Variants in MCPH1 observed in about 807,000 individuals in gnomAD.
The protein encoded by MCPH1 is microcephalin 1.
In MCPH1, 104 loss-of-function variants were observed where a neutral mutation model predicts 84.5. That is an observed-to-expected ratio of 1.23 (90% CI 1.05 to 1.45). The LOEUF is 1.45. Among genes scored for constraint, MCPH1 ranks in the 40% most tolerant of loss-of-function variants. The probability of loss-of-function intolerance (pLI) is 0.00; values close to 1 mark genes in which losing one functional copy is unlikely to be tolerated. For synonymous variants in MCPH1, 514 were observed against 366.8 expected (o/e 1.40, Z -4.58); for missense variants, 1,498 against 1,005.7 (o/e 1.49, Z -6.62).
intron 12 of MCPH1, among the ~76,000 whole-genome samples, chr8:6,543,514 C>G (rs1476829060): frequency 3.3e-5 from 5 of 152,198 alleles, no homozygotes; most frequent in African/African-American, 1.2e-4. Context: ...GAGCATCCAG[C>G]TCCCATCTGC....
intron 12 of MCPH1, among the ~76,000 whole-genome samples, chr8:6,615,167 C>T (rs1288101790): frequency 6.6e-6 from 1 of 152,236 alleles, no homozygotes; most frequent in Non-Finnish European, 1.5e-5. Context: ...CGTGAGTCTT[C>T]AGACACCCAG....
chr8:6,572,657 G>A (rs540586460), intron 12 of MCPH1, among the ~76,000 whole-genome samples: 1 of 152,224 alleles, frequency 6.6e-6, no homozygotes, highest in Non-Finnish European at 1.5e-5. Context: ...AGCTGTCTCT[G>A]TATCCTCAGG....
rs1302606769 is a variant in MCPH1, at chr8:6,645,887, G to C, written c.*2838G>C. ...AAGAAGTTAAAGACTTCTTTAAATA[G>C]AGACATATACAAAGTTCATAGATTA... On this transcript the variant is annotated 3_prime_UTR_variant, in exon 14 of 14. Coordinates refer to ENST00000344683, the MANE Select transcript of MCPH1 (RefSeq NM_024596.5). 6.6e-6 allele frequency: 1 copy of C among 152,124 alleles called. No individual in the cohort carries two copies. Among genetic ancestry groups the C allele is most frequent in the African/African-American group, 2.4e-5 (1 of 41,430 alleles). 9.4% of individuals were successfully genotyped at this position (152,124 alleles called of 1,614,324 possible).
At chr8:6,571,525 A>C (rs892133717) in intron 12 of MCPH1, among the ~76,000 whole-genome samples, 1 of 152,320 alleles carries the variant, frequency 6.6e-6, no homozygotes, top group Non-Finnish European at 1.5e-5. Flanking sequence ...GTGAATTTTC[A>C]TTTGAAAGTG....
In MCPH1 at chr8:6,459,947, C is replaced by T. The variant is rs141862746; in HGVS notation, c.1935+4695C>T. Among the ~76,000 whole-genome samples the T allele has an allele frequency of 5.7e-3, 863 of 152,232 alleles. 11 individuals are homozygous for T. Among genetic ancestry groups the T allele is most frequent in the Non-Finnish European group, 5.8e-3 (397 of 68,030 alleles). On this transcript the variant is annotated intron_variant, in intron 9 of 13. Coordinates refer to ENST00000344683, the MANE Select transcript of MCPH1 (RefSeq NM_024596.5). ...TGGCCCGGGGATGGATGCAGAACCG[C>T]GAGAAGAGAGAGGCTGACTTCAGCC...
chr8:6,480,774 C>A lies in MCPH1; in HGVS notation c.2034C>A (p.Asp678Glu), dbSNP rs1295000815. 1.9e-6 allele frequency: 3 copies of A among 1,614,098 alleles called. No homozygotes were observed. The highest frequency in any genetic ancestry group is 2.2e-5 in the East Asian group (1 of 44,890). ...DKLKGFSIAP[D>E]VCETTTHVLS... The stretch of plus-strand genomic sequence containing the variant: ...TGAAAGGCTTTTCAATTGCACCAGA[C>A]GTCTGTGAGACCACGACTCACGTGC... Residue 678 changes from aspartate (D) to glutamate (E), a missense_variant, in exon 11 of 14, where the codon GAC (aspartate) becomes GAA (glutamate). Physicochemically the swap from Asp to Glu is conservative, Grantham distance 45 (BLOSUM62 2). Coordinates refer to ENST00000344683, the MANE Select transcript of MCPH1 (RefSeq NM_024596.5).
chr8:6,549,160 A>T (rs527601710), intron 12 of MCPH1, among the ~76,000 whole-genome samples: 1 of 152,338 alleles, frequency 6.6e-6, no homozygotes, highest in African/African-American at 2.4e-5. Flanking sequence ...AAAATGATAC[A>T]TGGGTTTGTA....
chr8:6,473,853 A>C (rs1049907529), intron 9 of MCPH1: 6 of 1,464,470 alleles, frequency 4.1e-6, no homozygotes, highest in Admixed American at 4.7e-5. Context: ...CAAGAGTTAT[A>C]ATCTTTGATC....
chr8:6,598,957 G>A (rs759905517), intron 12 of MCPH1, among the ~76,000 whole-genome samples: 4 of 152,250 alleles, frequency 2.6e-5, no homozygotes, highest in Non-Finnish European at 4.4e-5. Context: ...TGAGCTGGGT[G>A]GTGAAAAGAC....
At chr8:6,508,597 C>T in intron 12 of MCPH1, 1 of 452,914 alleles carries the variant, frequency 2.2e-6, no homozygotes, top group Non-Finnish European at 3.8e-6. Flanking sequence ...TAACTTTTTA[C>T]ATAAAGCAAA....
intron 13 of MCPH1, among the ~76,000 whole-genome samples, chr8:6,638,850 G>T (rs1478138400): frequency 3.3e-5 from 5 of 152,178 alleles, no homozygotes; most frequent in African/African-American, 1.2e-4. Flanking sequence ...GCTGTGAGGG[G>T]CTCCCTGGAC....
chr8:6,623,013 CTTT>C (rs1164226735), intron 13 of MCPH1, among the ~76,000 whole-genome samples: 29 of 109,902 alleles, frequency 2.6e-4, no homozygotes, highest in Admixed American at 1.3e-3. Context: ...GCTTTACTTT[CTTT>C]TTTTTTTTTT....
intron 9 of MCPH1, among the ~76,000 whole-genome samples, chr8:6,476,045 C>G (rs1294443729): frequency 6.6e-6 from 1 of 152,132 alleles, no homozygotes; most frequent in South Asian, 2.1e-4. Context: ...GATGCCAAGG[C>G]TATATGAAAC....
At chr8:6,595,337 A>G (rs1344387131) in intron 12 of MCPH1, among the ~76,000 whole-genome samples, 1 of 152,058 alleles carries the variant, frequency 6.6e-6, no homozygotes, top group Non-Finnish European at 1.5e-5. Flanking sequence ...GGATAGAAAC[A>G]TGGGAGATGG....
chr8:6,577,119 G>A (rs1049940003), intron 12 of MCPH1, among the ~76,000 whole-genome samples: 13 of 152,174 alleles, frequency 8.5e-5, no homozygotes, highest in Non-Finnish European at 1.8e-4. Flanking sequence ...TGCACAGGAG[G>A]CCAGGGTGCT....
At chr8:6,603,983 A>G (rs1829561920) in intron 12 of MCPH1, among the ~76,000 whole-genome samples, 1 of 143,858 alleles carries the variant, frequency 7.0e-6, no homozygotes, top group African/African-American at 2.6e-5. Flanking sequence ...TATTCAACAA[A>G]TTATTTTATT....
chr8:6,496,760 C>T (rs1382488775), intron 11 of MCPH1, among the ~76,000 whole-genome samples: 2 of 152,156 alleles, frequency 1.3e-5, no homozygotes, highest in Non-Finnish European at 2.9e-5. Flanking sequence ...TTAATGCTTT[C>T]CAGTGAGTTA....
intron 11 of MCPH1, among the ~76,000 whole-genome samples, chr8:6,493,100 T>A (rs539551134): frequency 2.0e-5 from 3 of 152,344 alleles, no homozygotes; most frequent in African/African-American, 7.2e-5. Flanking sequence ...GAATTTGTTA[T>A]ATTTATTTCT....
chr8:6,493,985 G>A (rs1396341850), intron 11 of MCPH1: 1 of 152,110 alleles, frequency 6.6e-6, no homozygotes, highest in Non-Finnish European at 1.5e-5. Context: ...CTGTTGCCCA[G>A]GCTGGAGTGC....
Sources: gnomAD v4.1 joint callset for allele counts (sites outside exome capture counted in the v4.1 genomes callset) on GRCh38, gnomAD v4.1.1 for gene constraint, MANE v1.5 for transcripts, NCBI Gene and HGNC (gene_info 2026-07-23, HGNC 2026-07-21) for gene names.